NAV1: variants seen among roughly 807,000 people sequenced by gnomAD.
NAV1 encodes neuron navigator 1.
A neutral mutation model predicts 175.2 loss-of-function variants in NAV1; 18 were observed. The ratio of observed to expected loss-of-function variants is 0.10; its 90% CI spans 0.07 to 0.15. NAV1 has a LOEUF of 0.15. Ranked by LOEUF, NAV1 falls within the 10% of genes least tolerant of loss-of-function variation. The probability of loss-of-function intolerance (pLI) is 1.00; values close to 1 mark genes in which losing one functional copy is unlikely to be tolerated. For synonymous variants in NAV1, 897 were observed against 978.7 expected (o/e 0.92, Z 1.56); for missense variants, 1,731 against 2,436.6 (o/e 0.71, Z 6.10).
At chr1:201,714,171 A>G (rs2102474389) in intron 2 of NAV1, among the ~76,000 whole-genome samples, 1 of 152,278 alleles carries the variant, frequency 6.6e-6, no homozygotes, top group East Asian at 1.9e-4. Flanking sequence ...TTGGCCTCCC[A>G]AAGTGCTGGG....
chr1:201,550,844 C>T (rs1351668065), intron 1 of NAV1, among the ~76,000 whole-genome samples: 1 of 152,132 alleles, frequency 6.6e-6, no homozygotes, highest in Non-Finnish European at 1.5e-5. Context: ...ATGTTTGAGA[C>T]CCACACCACT....
At chr1:201,602,377 T>C (rs970034752) in intron 2 of NAV1, among the ~76,000 whole-genome samples, 5 of 152,332 alleles carry the variant, frequency 3.3e-5, no homozygotes, top group African/African-American at 1.2e-4. Flanking sequence ...AGTCTCGTTC[T>C]GTCACCCAGG....
chr1:201,718,462 G>T lies in NAV1; in HGVS notation c.933G>T (p.Ser311=), dbSNP rs772647805. 6.3e-7 allele frequency: 1 copy of T among 1,578,934 alleles called. No homozygotes were observed. The highest frequency in any genetic ancestry group is 8.6e-7 in the Non-Finnish European group (1 of 1,156,212). ...GCGTGTCCAGCCTCTCCAACCGCTC[G>T]TCCCCTCTGTCATGGCGCTATGGCC... Residue 311 remains serine, a synonymous_variant, in exon 3 of 30, where the codon TCG becomes TCT. Coordinates refer to ENST00000367296, the Ensembl canonical transcript of NAV1. The surrounding 1 kb of genome is among the most constrained non-coding windows in gnomAD (Gnocchi z 4.8).
At chr1:201,766,955 G>A (rs1344095016) in intron 3 of NAV1, among the ~76,000 whole-genome samples, 1 of 151,656 alleles carries the variant, frequency 6.6e-6, no homozygotes, top group Middle Eastern at 3.2e-3. Flanking sequence ...CCGAGTAGCT[G>A]GGATTACAGG....
intron 2 of NAV1, among the ~76,000 whole-genome samples, chr1:201,635,991 G>T (rs866013026): frequency 1.3e-5 from 2 of 152,220 alleles, no homozygotes; most frequent in South Asian, 2.1e-4. Flanking sequence ...ATGGGAGGCG[G>T]AACTATTTGC....
chr1:201,583,661 T>A (rs1204514278), intron 1 of NAV1, among the ~76,000 whole-genome samples: 1 of 152,238 alleles, frequency 6.6e-6, no homozygotes, highest in East Asian at 1.9e-4. Context: ...GAAATCCTCT[T>A]TCTCCTTTCT....
chr1:201,682,131 A>G (rs1670491353), intron 1 of NAV1, among the ~76,000 whole-genome samples: 3 of 150,522 alleles, frequency 2.0e-5, no homozygotes, highest in Non-Finnish European at 3.0e-5. Context: ...AAAAAAAAAA[A>G]AAAAATCAGC....
exon 9 of NAV1, chr1:201,786,560 G>A: frequency 6.2e-7 from 1 of 1,613,428 alleles, no homozygotes; most frequent in Non-Finnish European, 8.5e-7. Flanking sequence ...AGTGCAAAGG[G>A]CCAACTTACC....
chr1:201,785,496 C>G (rs1291672778), intron 8 of NAV1, 145 bp downstream of exon 12: 1 of 809,970 alleles, frequency 1.2e-6, no homozygotes, highest in East Asian at 2.5e-5. Flanking sequence ...ATACAAGTAC[C>G]ACCTAGTACC....
chr1:201,756,862 TTCTTTCTTTCTTTCTTTCTTTCTCTG>T lies in NAV1; in HGVS notation c.1227-23551_1227-23526del, dbSNP rs1558131740. Among the ~76,000 whole-genome samples the T allele has an allele frequency of 2.0e-4, 20 of 100,900 alleles. 1 individual carries two copies. The highest frequency in any genetic ancestry group is 6.8e-4 in the African/African-American group (18 of 26,296). The allele number at this position is 100,900 out of a possible 152,430, so 66.2% of individuals were successfully genotyped here. ...TTTCTTTCTTTCTTTCTTTCTTTCT[TTCTTTCTTTCTTTCTTTCTTTCTCTG>T]TCTTTCTCCCCACTACTTTGGCTTT... On this transcript the variant is annotated intron_variant, in intron 3 of 29. Coordinates refer to ENST00000367296, the Ensembl canonical transcript of NAV1.
chr1:201,626,145 C>T (rs1382436866), intron 1 of NAV1, among the ~76,000 whole-genome samples: 1 of 152,234 alleles, frequency 6.6e-6, no homozygotes, highest in East Asian at 1.9e-4. Context: ...CCAGCACACT[C>T]TGCAGGGCCT....
exon 30 of NAV1, chr1:201,821,589 T>C (rs1378288870): frequency 6.6e-6 from 1 of 151,502 alleles, no homozygotes; most frequent in Non-Finnish European, 1.5e-5. Flanking sequence ...CAGCAGGAAA[T>C]GTTAACCTCC....
intron 1 of NAV1, among the ~76,000 whole-genome samples, chr1:201,571,197 G>A (rs1439125986): frequency 2.0e-5 from 3 of 152,226 alleles, no homozygotes; most frequent in Non-Finnish European, 4.4e-5. Flanking sequence ...CCATCATGGT[G>A]TGATGAAGGA....
chr1:201,648,198 G>T (rs1669041816), upstream of NAV1: 4 of 980,706 alleles, frequency 4.1e-6, no homozygotes, highest in South Asian at 1.9e-4. Flanking sequence ...CTCGACTCGG[G>T]CTGGCTGGCT....
chr1:201,580,494 C>T (rs956534170), intron 1 of NAV1, among the ~76,000 whole-genome samples: 3 of 152,164 alleles, frequency 2.0e-5, no homozygotes, highest in African/African-American at 4.8e-5. Flanking sequence ...GGTTTTCAGC[C>T]AGGAGTGATG....
In NAV1 at chr1:201,593,041, C is replaced by T. The variant is rs887152840; in HGVS notation, c.-33+4392C>T. ...GAGGCTCCTATCACCAAAGATGTTGCCAAGCCCTGCCTTAGATTGCCCCAG... is the reference window on the plus strand; with the variant it reads ...GAGGCTCCTATCACCAAAGATGTTGTCAAGCCCTGCCTTAGATTGCCCCAG... On this transcript the variant is annotated intron_variant, in intron 2 of 33. Transcript: ENST00000685211. 2.0e-5 allele frequency among the ~76,000 whole-genome samples: 3 copies of T among 152,304 alleles called. No individual in the cohort carries two copies. In the East Asian group the frequency reaches 5.8e-4, roughly 29 times the overall value.
At chr1:201,805,460 A>C (rs1239444206) in intron 17 of NAV1, among the ~76,000 whole-genome samples, 1 of 152,238 alleles carries the variant, frequency 6.6e-6, no homozygotes, top group Non-Finnish European at 1.5e-5. Context: ...CTGTCTGTGC[A>C]GAAGAGAAGC....
chr1:201,624,003 C>G lies in NAV1; in HGVS notation c.-101+397C>G, dbSNP rs549841757. 1.4e-3 allele frequency among the ~76,000 whole-genome samples: 213 copies of G among 152,322 alleles called. 1 individual carries two copies. Among genetic ancestry groups the G allele is most frequent in the African/African-American group, 4.9e-3 (203 of 41,572 alleles). On this transcript the variant is annotated intron_variant, in intron 1 of 29. Coordinates refer to the NAV1 transcript ENST00000367302. ...CAATTCATTGTGGGACATTTGCCAA[C>G]ATTGTGAGTTAGACCAACTCTATTG...
chr1:201,550,986 G>A (rs1037420964), intron 1 of NAV1, among the ~76,000 whole-genome samples: 2 of 152,228 alleles, frequency 1.3e-5, no homozygotes, highest in African/African-American at 4.8e-5. Flanking sequence ...TCTATGGTCC[G>A]TGCTGAATGA....
Sources: allele counts gnomAD v4.1 joint callset (sites outside exome capture counted in the v4.1 genomes callset), GRCh38; gene constraint gnomAD v4.1.1; non-coding constraint Gnocchi (gnomAD v3.1); transcripts MANE v1.5; gene names NCBI Gene and HGNC (gene_info 2026-07-23, HGNC 2026-07-21).